PCM1: variants seen among roughly 807,000 people sequenced by gnomAD.
PCM1 encodes pericentriolar material 1 protein.
In PCM1, 157 loss-of-function variants were observed where a neutral mutation model predicts 241.9. That is an observed-to-expected ratio of 0.65 (90% CI 0.57 to 0.74). The LOEUF (loss-of-function observed/expected upper bound fraction) is 0.74, where lower values mean the gene tolerates loss of function less well. PCM1 is among the 30% of genes least tolerant of loss of function. PCM1 has a pLI of 0.00. For synonymous variants in PCM1, 1,085 were observed against 784.9 expected, an observed-to-expected ratio of 1.38 and a Z score of -6.39; for missense variants, 3,478 against 2,360.1, an observed-to-expected ratio of 1.47 and a Z score of -9.81.
At chr8:18,006,967 G>A (rs941024155) in intron 30 of PCM1, among the ~76,000 whole-genome samples, 1 of 152,160 alleles carries the variant, frequency 6.6e-6, no homozygotes, top group Non-Finnish European at 1.5e-5. Context: ...GTAGAGACCA[G>A]GAAGAATCTT....
intron 36 of PCM1, among the ~76,000 whole-genome samples, chr8:18,024,199 T>C: frequency 6.6e-6 from 1 of 152,140 alleles, no homozygotes. Flanking sequence ...AGACCCTGTC[T>C]CTACAAAAAA....
chr8:17,964,890 CACTA>C lies in PCM1; in HGVS notation c.2855+127_2855+130del, dbSNP rs199678766. 1,170 of 705,926 alleles carry C rather than the reference CACTA, an allele frequency of 1.7e-3. 9 individuals are homozygous for C. In the African/African-American group the frequency reaches 0.018, roughly 11 times the overall value. The allele number at this position is 705,926 out of a possible 1,614,324, so 43.7% of individuals were successfully genotyped here. On this transcript the variant is annotated intron_variant, in intron 18 of 38. Transcript: ENST00000325083. ...GTCCTACAACTCAATTCAATTTTTA[CACTA>C]ACTACTCAGAGTTAGTGCAGACCCC...
At chr8:18,018,893 C>CGT (rs2093513346) in intron 36 of PCM1, among the ~76,000 whole-genome samples, 1 of 120,240 alleles carries the variant, frequency 8.3e-6, no homozygotes, top group Non-Finnish European at 1.7e-5. Flanking sequence ...CACACATATA[C>CGT]ATACACATAT....
intron 15 of PCM1, 95 bp from the exon 16 acceptor site, chr8:17,961,939 C>T (rs1407612995): frequency 9.7e-7 from 1 of 1,033,360 alleles, no homozygotes; most frequent in South Asian, 1.6e-5. Flanking sequence ...AAATATGGCA[C>T]TAGAGCCTTA....
rs974350915 is a variant in PCM1, at chr8:18,029,622, T to A, written c.*1960T>A. 4 of 202,980 alleles carry A rather than the reference T, an allele frequency of 2.0e-5. No homozygotes were observed. The highest frequency in any genetic ancestry group is 9.2e-5 in the African/African-American group (4 of 43,644). 12.6% of individuals were successfully genotyped at this position (202,980 alleles called of 1,614,324 possible). ...ACAGCTGCTATTAATCTAAGTCTAT[T>A]GTTTTTCTATTTTAGTAGATAATTT... On this transcript the variant is annotated 3_prime_UTR_variant, in exon 39 of 39. Coordinates refer to ENST00000325083, the MANE Select transcript of PCM1 (RefSeq NM_006197.4).
At chr8:17,931,086 T>C (rs956752415) in intron 2 of PCM1, among the ~76,000 whole-genome samples, 8 of 152,304 alleles carry the variant, frequency 5.3e-5, no homozygotes, top group Middle Eastern at 3.4e-3. Flanking sequence ...TAGACTTTAG[T>C]AAATTTTGTT....
intron 7 of PCM1, 74 bp downstream of exon 7, chr8:17,947,437 T>C (rs900322361): frequency 9.6e-7 from 1 of 1,039,340 alleles, no homozygotes; most frequent in Non-Finnish European, 1.4e-6. Flanking sequence ...TGGATGCTGA[T>C]TATTACATAA....
intron 10 of PCM1, among the ~76,000 whole-genome samples, chr8:17,956,275 T>C (rs6990543): frequency 0.057 from 8,659 of 152,272 alleles, 840 homozygotes; most frequent in African/African-American, 0.2. Context: ...TACTTCACAC[T>C]TTTGATACTT....
Position 17,995,595 on chromosome 8 carries a change from T to C in PCM1, c.4827+1976T>C, listed in dbSNP as rs142421986. ...ATAAATTTTAGGATTCTTTTTTCTCTGTGAAGAATGTCATTGGTATTTTGA... is the reference window on the plus strand; with the variant it reads ...ATAAATTTTAGGATTCTTTTTTCTCCGTGAAGAATGTCATTGGTATTTTGA... On this transcript the variant is annotated intron_variant, in intron 29 of 38. Coordinates refer to ENST00000325083, the MANE Select transcript of PCM1 (RefSeq NM_006197.4). Among the ~76,000 whole-genome samples the C allele has an allele frequency of 2.1e-3, 318 of 151,582 alleles. 1 individual carries two copies. The highest frequency in any genetic ancestry group is 3.8e-3 in the Non-Finnish European group (260 of 67,994).
intron 6 of PCM1, among the ~76,000 whole-genome samples, chr8:17,945,826 T>C (rs2063590584): frequency 6.6e-6 from 1 of 152,190 alleles, no homozygotes; most frequent in Non-Finnish European, 1.5e-5. Flanking sequence ...ACTTCTTTGC[T>C]CTCTTTAGTC....
chr8:18,006,337 A>T lies in PCM1; in HGVS notation c.4902A>T (p.Gln1634His). Residue 1634 changes from glutamine (Q) to histidine (H), a missense_variant, in exon 30 of 39, where the codon CAA (glutamine) becomes CAT (histidine). Physicochemically the swap from Gln to His is conservative, Grantham distance 24. Transcript: ENST00000325083. ...VRRMVLTLTQ[Q>H]NDESKEFVKF... ...GCATGGTTTTGACCCTTACCCAGCA[A>T]AATGATGAGAGCAAAGAGTTTGTAA... is the stretch of plus-strand genomic sequence containing the variant. 6.2e-7 allele frequency: 1 copy of T among 1,613,240 alleles called. No homozygotes were observed. Among genetic ancestry groups the T allele is most frequent in the Non-Finnish European group, 8.5e-7 (1 of 1,179,338 alleles).
chr8:18,029,819 ACTTT>A lies in PCM1; in HGVS notation c.*2158_*2161del, dbSNP rs1359122340. ...AAAAGTTCAAAATGAGTGAGAGAGA[ACTTT>A]ATGCAGGTTGAGATAATGCCTAAAA... is the stretch of plus-strand genomic sequence containing the variant. On this transcript the variant is annotated 3_prime_UTR_variant, in exon 39 of 39. Transcript: ENST00000325083. 3 of 196,726 alleles carry A rather than the reference ACTTT, an allele frequency of 1.5e-5. No homozygotes were observed. Among genetic ancestry groups the A allele is most frequent in the Non-Finnish European group, 3.2e-5 (3 of 94,808 alleles). The allele number at this position is 196,726 out of a possible 1,614,324, so 12.2% of individuals were successfully genotyped here.
chr8:17,959,084 T>C (rs2070305211), intron 13 of PCM1, among the ~76,000 whole-genome samples: 1 of 152,164 alleles, frequency 6.6e-6, no homozygotes, highest in African/African-American at 2.4e-5. Context: ...GCTAGGCCTT[T>C]TCTCTGCAGT....
chr8:17,923,883 G>C (rs1177173857), intron 1 of PCM1, among the ~76,000 whole-genome samples: 1 of 152,276 alleles, frequency 6.6e-6, no homozygotes, highest in East Asian at 1.9e-4. Flanking sequence ...GGGAAACGTT[G>C]TTTGGTTTAC....
At position 17,939,105 on chromosome 8, in the gene PCM1, G is replaced by A. The variant is rs114368127; in HGVS notation, c.612+96G>A. The A allele has an allele frequency of 7.2e-4, 888 of 1,227,644 alleles. 3 individuals are homozygous for A. The African/African-American group carries it at 0.011, about 16-fold the overall frequency. The allele number at this position is 1,227,644 out of a possible 1,614,324, so 76.0% of individuals were successfully genotyped here. ...TTAGGTTACGCACACAGGAATTTTA[G>A]TTGGGTGGAATTAAAGTGCTTCACT... is the stretch of plus-strand genomic sequence containing the variant. On this transcript the variant is annotated intron_variant, in intron 5 of 38. Transcript: ENST00000325083.
chr8:17,931,733 C>T (rs1215209789), intron 2 of PCM1, among the ~76,000 whole-genome samples: 1 of 152,136 alleles, frequency 6.6e-6, no homozygotes, highest in African/African-American at 2.4e-5. Flanking sequence ...GGCATCACTT[C>T]TGTTGCCTGG....
intron 1 of PCM1, among the ~76,000 whole-genome samples, chr8:17,923,704 G>A (rs1025470575): frequency 6.6e-6 from 1 of 152,182 alleles, no homozygotes; most frequent in Non-Finnish European, 1.5e-5. Flanking sequence ...CAGTTGGGCT[G>A]TGAGCTGCAG....
intron 21 of PCM1, among the ~76,000 whole-genome samples, chr8:17,968,539 G>A (rs1412764486): frequency 1.3e-5 from 2 of 152,052 alleles, no homozygotes; most frequent in Non-Finnish European, 2.9e-5. Context: ...AATAAGTTAA[G>A]TGACCGATTA....
intron 6 of PCM1, among the ~76,000 whole-genome samples, chr8:17,942,972 G>C (rs1305781501): frequency 6.7e-6 from 1 of 148,356 alleles, no homozygotes; most frequent in Non-Finnish European, 1.5e-5. Context: ...ACTCCAGCTT[G>C]GGTGACAGAA....
Sources: allele counts gnomAD v4.1 joint callset (sites outside exome capture counted in the v4.1 genomes callset), GRCh38; gene constraint gnomAD v4.1.1; transcripts MANE v1.5; gene names NCBI Gene and HGNC (gene_info 2026-07-23, HGNC 2026-07-21).